SEPTIN4: variants seen among roughly 807,000 people sequenced by gnomAD.
The protein encoded by SEPTIN4 is septin-4.
A neutral mutation model predicts 107.1 loss-of-function variants in SEPTIN4; 52 were observed. The ratio of observed to expected loss-of-function variants is 0.49; its 90% CI spans 0.39 to 0.61. The LOEUF (loss-of-function observed/expected upper bound fraction) is 0.61. Among genes scored for constraint, SEPTIN4 ranks in the 20% least tolerant of loss-of-function variants. The pLI, the probability that SEPTIN4 is intolerant of heterozygous loss-of-function variation, is 0.00. For synonymous variants in SEPTIN4, 417 were observed against 467.0 expected, an observed-to-expected ratio of 0.89 and a Z score of 1.38; for missense variants, 1,048 against 1,243.5, an observed-to-expected ratio of 0.84 and a Z score of 2.36.
chr17:58,540,405 T>A (rs2043845614), intron 3 of SEPTIN4, among the ~76,000 whole-genome samples: 1 of 152,232 alleles, frequency 6.6e-6, no homozygotes, highest in Non-Finnish European at 1.5e-5. Context: ...TGCAACTAGC[T>A]CATACAGTGC....
Position 58,543,233 on chromosome 17 carries a change from C to T in SEPTIN4, c.954G>A (p.Glu318=). 6.2e-7 allele frequency: 1 copy of T among 1,614,138 alleles called. No homozygotes were observed. The highest frequency in any genetic ancestry group is 8.5e-7 in the Non-Finnish European group (1 of 1,180,046). The change falls in exon 1 of 14, where the codon GAG becomes GAA. Residue 318 remains glutamate (E), a synonymous_variant. Coordinates refer to ENST00000672673, the MANE Select transcript of SEPTIN4 (RefSeq NM_001368771.2). ...SAKVLVSSQV[E]SNVRTPIRGN... is the part of the protein sequence containing the mutation. Reference sequence around the variant, plus strand: ...CTCGGATTGGGGTCCTCACGTTGGACTCCACCTGTGATGATACTAAGACCT... The same window carrying T: ...CTCGGATTGGGGTCCTCACGTTGGATTCCACCTGTGATGATACTAAGACCT...
intron 1 of SEPTIN4, 89 bp from the exon 2 acceptor site, chr17:58,542,055 A>G (rs1486633529): frequency 6.2e-6 from 9 of 1,459,684 alleles, no homozygotes; most frequent in Non-Finnish European, 4.7e-6. Context: ...TTCTAGCTCC[A>G]CATTTCTCCA....
chr17:58,539,985 C>T (rs771163048), intron 3 of SEPTIN4, among the ~76,000 whole-genome samples: 1 of 152,152 alleles, frequency 6.6e-6, no homozygotes, highest in Non-Finnish European at 1.5e-5. Context: ...CTATCTGTGG[C>T]CAACTGTCCA....
rs958516693 is a variant in SEPTIN4, at chr17:58,521,403, T to G, written c.2572-53A>C. On this transcript the variant is annotated intron_variant, in intron 10 of 13. Transcript: ENST00000672673. This position sits in a 1 kb window ranked among gnomAD's most constrained non-coding sequence, Gnocchi z 6.4. ...CACCCTCTGTTCTCACCTCTTTCTT[T>G]CCACCTGTATCGTCATCTTCTCTGC... 6.3e-7 allele frequency: 1 copy of G among 1,586,448 alleles called. No homozygotes were observed. The highest frequency in any genetic ancestry group is 1.3e-5 in the African/African-American group (1 of 74,408).
intron 3 of SEPTIN4, chr17:58,531,176 T>C (rs1256086291): frequency 6.6e-6 from 1 of 152,318 alleles, no homozygotes; most frequent in East Asian, 1.9e-4. Context: ...CATCAAAAAC[T>C]TCCTACCTGG....
intron 3 of SEPTIN4, among the ~76,000 whole-genome samples, chr17:58,533,579 T>G (rs1459721368): frequency 2.0e-5 from 3 of 149,856 alleles, no homozygotes; most frequent in Non-Finnish European, 3.0e-5. Context: ...GGGGAGGACG[T>G]GTAGGATGGG....
chr17:58,531,768 G>A (rs1468924628), intron 3 of SEPTIN4: 1 of 404,114 alleles, frequency 2.5e-6, no homozygotes, highest in African/African-American at 2.1e-5. Flanking sequence ...CTGCTCAGAG[G>A]GAAAAACTTG....
chr17:58,528,115 G>A, intron 3 of SEPTIN4: 1 of 853,966 alleles, frequency 1.2e-6, no homozygotes, highest in Non-Finnish European at 1.4e-6. Context: ...GCCGGCTGCA[G>A]AGGCTGACTC....
At chr17:58,526,617 G>A (rs2079703) in intron 4 of SEPTIN4, 65 bp downstream of exon 4, 570,865 of 1,429,752 alleles carry the variant, frequency 0.4, 110,240 homozygotes, top group Admixed American at 0.57. Context: ...CACACACTCT[G>A]CTCCCTGCCC....
At position 58,543,064 on chromosome 17, in the gene SEPTIN4, G is replaced by C; in HGVS notation, c.1123C>G (p.Gln375Glu). 1 of 1,611,628 alleles carries C rather than the reference G, an allele frequency of 6.2e-7. No homozygotes were observed. ...FVTPEPIYKQ[Q>E]TQKPPEITYM... ...GTAATTTCTGGGGGTTTTTGGGTTTGCTGTTTATAGATGGGCTCTGGAGTA... is the reference window on the plus strand; with the variant it reads ...GTAATTTCTGGGGGTTTTTGGGTTTCCTGTTTATAGATGGGCTCTGGAGTA... Residue 375 changes from glutamine to glutamate, a missense_variant, in exon 1 of 14, where the codon CAA becomes GAA. By Grantham distance (29) the Gln-to-Glu change is conservative. Coordinates refer to ENST00000672673, the MANE Select transcript of SEPTIN4 (RefSeq NM_001368771.2).
chr17:58,543,595 T>C lies in SEPTIN4; in HGVS notation c.592A>G (p.Lys198Glu). 6.2e-7 allele frequency: 1 copy of C among 1,614,188 alleles called. No homozygotes were observed. The highest frequency in any genetic ancestry group is 1.1e-5 in the South Asian group (1 of 91,080). The change falls in exon 1 of 14, where the codon AAG (lysine) becomes GAG (glutamate). Residue 198 changes from lysine (K) to glutamate (E), a missense_variant. Lys to Glu is a moderately conservative substitution (Grantham distance 56). This residue lies in a region of SEPTIN4 where 787 missense variants were observed against 871.8 expected (regional missense o/e 0.90). Coordinates refer to ENST00000672673, the MANE Select transcript of SEPTIN4 (RefSeq NM_001368771.2). Reference sequence around the variant, plus strand: ...GGCTCAGTTTGTACTGCTTCATCCTTTGGGTAAGACAAAATCCTACGGGGA... The same window carrying C: ...GGCTCAGTTTGTACTGCTTCATCCTCTGGGTAAGACAAAATCCTACGGGGA... Reference protein sequence around the residue: ...RVPRRILSYPKDEAVQTEPIQ... With the variant: ...RVPRRILSYPEDEAVQTEPIQ...
chr17:58,529,032 A>G, intron 3 of SEPTIN4: 1 of 1,544,642 alleles, frequency 6.5e-7, no homozygotes, highest in Non-Finnish European at 8.9e-7. Context: ...TGACCAAATC[A>G]TTTTCTGACT....
chr17:58,544,264 T>A lies in SEPTIN4; in HGVS notation c.-78A>T. On this transcript the variant is annotated 5_prime_UTR_variant, in exon 1 of 14. Coordinates refer to ENST00000672673, the MANE Select transcript of SEPTIN4 (RefSeq NM_001368771.2). ...ATTCAGGATCCTAATGATGCCTGAA[T>A]ATTTACCCTGTTTTAAAGCTGCTGT... 6.7e-7 allele frequency: 1 copy of A among 1,498,166 alleles called. No individual in the cohort carries two copies. The highest frequency in any genetic ancestry group is 1.3e-5 in the South Asian group (1 of 75,466). The allele number at this position is 1,498,166 out of a possible 1,614,324, so 92.8% of individuals were successfully genotyped here.
At chr17:58,534,510 G>A (rs2003537) in intron 3 of SEPTIN4, among the ~76,000 whole-genome samples, 1 of 152,176 alleles carries the variant, frequency 6.6e-6, no homozygotes, top group Admixed American at 6.5e-5. Flanking sequence ...CAGTCACTGG[G>A]GATTTACCGA....
Position 58,543,946 on chromosome 17 carries a change from C to T in SEPTIN4, c.241G>A (p.Ala81Thr). Residue 81 changes from alanine to threonine, a missense_variant, in exon 1 of 14, where the codon GCA becomes ACA. Ala to Thr is a moderately conservative substitution (Grantham distance 58). Around this residue, in one of 2 missense-constraint regions of SEPTIN4, gnomAD observed 787 missense variants for 871.8 expected, o/e 0.90. Transcript: ENST00000672673. ...VSLQSGPGHY[A>T]VPTPRGPETG... ...TCGGGTCCCCGAGGAGTGGGTACTG[C>T]ATAGTGTCCAGGTCCTGACTGGAGG... 6.2e-7 allele frequency: 1 copy of T among 1,613,938 alleles called. No homozygotes were observed. The highest frequency in any genetic ancestry group is 8.5e-7 in the Non-Finnish European group (1 of 1,179,940).
At chr17:58,537,067 T>C (rs1322207438) in intron 3 of SEPTIN4, among the ~76,000 whole-genome samples, 2 of 152,224 alleles carry the variant, frequency 1.3e-5, no homozygotes, top group East Asian at 1.9e-4. Context: ...GGCAGATTCT[T>C]CCCTATGTGG....
rs1412732042 is a variant in SEPTIN4, at chr17:58,521,373, G to C, written c.2572-23C>G. On this transcript the variant is annotated intron_variant, in intron 10 of 13. Transcript: ENST00000672673. This position sits in a 1 kb window ranked among gnomAD's most constrained non-coding sequence, Gnocchi z 6.4. ...TTCCTGGAAGAGGTTAGGGGTGCCT[G>C]TCAGCACCCTCTGTTCTCACCTCTT... The C allele has an allele frequency of 2.5e-6, 4 of 1,600,794 alleles. No homozygotes were observed. In the African/African-American group the frequency reaches 5.4e-5, roughly 21 times the overall value.
intron 4 of SEPTIN4, 128 bp from the exon 5 acceptor site, chr17:58,526,441 T>C: frequency 7.2e-7 from 1 of 1,383,350 alleles, no homozygotes; most frequent in Non-Finnish European, 9.3e-7. Flanking sequence ...CTTCTGTGAG[T>C]TCCCATCTGA....
chr17:58,527,854 A>G, intron 3 of SEPTIN4: 1 of 985,778 alleles, frequency 1.0e-6, no homozygotes, highest in Non-Finnish European at 1.2e-6. Context: ...GCAGTGCACG[A>G]GAGGGCCTGG....
Sources: allele counts gnomAD v4.1 joint callset (sites outside exome capture counted in the v4.1 genomes callset), GRCh38; gene constraint gnomAD v4.1.1; regional missense constraint gnomAD v4.1.1; non-coding constraint Gnocchi (gnomAD v3.1); transcripts MANE v1.5; gene names NCBI Gene and HGNC (gene_info 2026-07-23, HGNC 2026-07-21).